The following BAIAP2 variants were observed in gnomAD, a reference collection of about 807,000 sequenced individuals.
BAIAP2 encodes the protein BAR/IMD domain-containing adapter protein 2.
BAIAP2 carries 18 observed loss-of-function variants against 63.0 expected under a neutral mutation model. The ratio of observed to expected loss-of-function variants is 0.29; its 90% CI spans 0.20 to 0.42. BAIAP2 has a LOEUF of 0.42. Ranked by LOEUF, BAIAP2 falls within the 10% of genes least tolerant of loss-of-function variation. The pLI is 1.00. For missense variants in BAIAP2, 610 were observed against 734.3 expected (o/e 0.83, Z 1.96); for synonymous variants, 386 against 307.6 (o/e 1.25, Z -2.67).
Position 81,039,707 on chromosome 17 carries a change from G to A in BAIAP2, c.54+4399G>A, listed in dbSNP as rs147077560. Among the ~76,000 whole-genome samples, 13 of 152,226 alleles carry A rather than the reference G, an allele frequency of 8.5e-5. No individual in the cohort carries two copies. In the East Asian group the frequency reaches 2.5e-3, roughly 29 times the overall value. On this transcript the variant is annotated intron_variant, in intron 1 of 13. Transcript: ENST00000428708. ...GGGGGCTGCTGGGAGCTGTGTTCCT[G>A]TTGCTGCCTTGTCTTCGACTGAAGC...
chr17:81,054,748 T>A (rs1260160658), intron 2 of BAIAP2, among the ~76,000 whole-genome samples: 1 of 152,118 alleles, frequency 6.6e-6, no homozygotes, highest in South Asian at 2.1e-4. Context: ...TCCCACTGTC[T>A]CCCTGAGACG....
chr17:81,068,321 A>T (rs2051890315), intron 3 of BAIAP2, among the ~76,000 whole-genome samples: 1 of 152,228 alleles, frequency 6.6e-6, no homozygotes, highest in Non-Finnish European at 1.5e-5. Flanking sequence ...TTAGGAGCAG[A>T]CCACGCCCAT....
intron 1 of BAIAP2, among the ~76,000 whole-genome samples, chr17:81,049,154 C>T (rs1041474731): frequency 1.8e-4 from 28 of 152,356 alleles, no homozygotes; most frequent in Admixed American, 1.5e-3. Flanking sequence ...CGCCGGGCTG[C>T]GTTTGTACTG....
intron 3 of BAIAP2, among the ~76,000 whole-genome samples, chr17:81,082,068 C>T (rs1430242506): frequency 1.3e-5 from 2 of 152,006 alleles, no homozygotes; most frequent in Non-Finnish European, 2.9e-5. Flanking sequence ...CCCTCCTGGC[C>T]CCGGGGCCAG....
intron 3 of BAIAP2, among the ~76,000 whole-genome samples, chr17:81,075,146 T>G (rs1412952716): frequency 7.9e-5 from 12 of 152,240 alleles, no homozygotes; most frequent in African/African-American, 2.9e-4. Flanking sequence ...CCAGCCACAT[T>G]TGCATTCCGG....
chr17:81,079,114 C>A (rs772566085), intron 3 of BAIAP2, among the ~76,000 whole-genome samples: 2 of 152,184 alleles, frequency 1.3e-5, no homozygotes, highest in Non-Finnish European at 2.9e-5. Flanking sequence ...AGAACCAACC[C>A]GAGGACAGAA....
rs1397423646 is a variant in BAIAP2 at position 81,104,409 on chromosome 17, C to G, written c.1067-105C>G. On this transcript the variant is annotated intron_variant, in intron 9 of 13. Coordinates refer to ENST00000428708, the MANE Select transcript of BAIAP2 (RefSeq NM_001144888.2). ...AGAGCTTAGCCAGCCCACTTACCCA[C>G]CTGGGGCACAGGCGGCTGTGCTCTC... The G allele has an allele frequency of 3.1e-6, 4 of 1,291,702 alleles. No homozygotes were observed. In the African/African-American group the frequency reaches 5.9e-5, roughly 19 times the overall value. The allele number at this position is 1,291,702 out of a possible 1,614,324, so 80.0% of individuals were successfully genotyped here. A position where few individuals can be genotyped will look rare whatever the true frequency, so the allele number is the denominator to read the frequency against.
chr17:81,085,661 C>T lies in BAIAP2; in HGVS notation c.287C>T (p.Ser96Phe). 1.9e-6 allele frequency: 3 copies of T among 1,613,800 alleles called. No individual in the cohort carries two copies. The highest frequency in any genetic ancestry group is 2.5e-6 in the Non-Finnish European group (3 of 1,179,914). The change falls in exon 5 of 14, where the codon TCT becomes TTT. Residue 96 changes from serine to phenylalanine, a missense_variant. Coordinates refer to ENST00000428708, the MANE Select transcript of BAIAP2 (RefSeq NM_001144888.2). ...TTTTCTCTCCATGTCCAGCTGAAGTCTTTTCACAACGAGCTGCTTACGCAG... is the reference window on the plus strand; with the variant it reads ...TTTTCTCTCCATGTCCAGCTGAAGTTTTTTCACAACGAGCTGCTTACGCAG... ...IQNQLEEMLK[S>F]FHNELLTQLE...
Position 81,100,088 on chromosome 17 carries a change from G to T in BAIAP2, c.642+8G>T. The T allele has an allele frequency of 6.2e-7, 1 of 1,607,052 alleles. No individual in the cohort carries two copies. Among genetic ancestry groups the T allele is most frequent in the Non-Finnish European group, 8.5e-7 (1 of 1,177,482 alleles). ...GCGGCCTACCACTCCAAGGTGAGGC[G>T]GCTGGGGGCTGCGCTGTGCCGGCGC... On this transcript the variant is annotated splice_region_variant and intron_variant, in intron 7 of 13. Coordinates refer to ENST00000428708, the MANE Select transcript of BAIAP2 (RefSeq NM_001144888.2).
rs879356625 is a variant in BAIAP2, at chr17:81,085,338, C to A, written c.280-316C>A. 11 of 550,916 alleles carry A rather than the reference C, an allele frequency of 2.0e-5. No homozygotes were observed. The Admixed American group carries it at 3.2e-4, about 16-fold the overall frequency. The allele number at this position is 550,916 out of a possible 1,614,324, so 34.1% of individuals were successfully genotyped here. The stretch of plus-strand genomic sequence containing the variant: ...TGTCAGTTCAGGCCCATGGGCCCTG[C>A]GACCTCTCAGCCTGTGTCGCAGTGA... On this transcript the variant is annotated intron_variant, in intron 4 of 13. Coordinates refer to ENST00000428708, the MANE Select transcript of BAIAP2 (RefSeq NM_001144888.2).
At chr17:81,110,778 G>A in intron 13 of BAIAP2, 1 of 1,297,882 alleles carries the variant, frequency 7.7e-7, no homozygotes, top group Non-Finnish European at 1.1e-6. Context: ...GAGAGCCAGA[G>A]CCCCAGCTGT....
intron 3 of BAIAP2, among the ~76,000 whole-genome samples, chr17:81,073,026 T>C (rs895023238): frequency 6.6e-6 from 1 of 151,952 alleles, no homozygotes; most frequent in Non-Finnish European, 1.5e-5. Flanking sequence ...GCCTGTCACC[T>C]CCAGGATGAC....
intron 13 of BAIAP2, chr17:81,110,640 CA>C: frequency 4.0e-6 from 5 of 1,255,128 alleles, no homozygotes; most frequent in Non-Finnish European, 5.1e-6. Context: ...TGGGCTTGCA[CA>C]CGGTGCTGGC....
intron 1 of BAIAP2, among the ~76,000 whole-genome samples, chr17:81,051,411 A>AT (rs1430154147): frequency 1.3e-5 from 2 of 151,842 alleles, no homozygotes; most frequent in South Asian, 2.1e-4. Flanking sequence ...GTATTTATGT[A>AT]TTTTTTTGAG....
At chr17:81,081,718 C>T (rs978295003) in intron 3 of BAIAP2, among the ~76,000 whole-genome samples, 2 of 152,148 alleles carry the variant, frequency 1.3e-5, no homozygotes, top group African/African-American at 4.8e-5. Context: ...TTAGACTTGC[C>T]CCCACCCCAC....
chr17:81,104,453 C>A, intron 9 of BAIAP2, 61 bp from the exon 10 acceptor site: 1 of 1,519,486 alleles, frequency 6.6e-7, no homozygotes, highest in South Asian at 1.2e-5. Context: ...AACCAGACTC[C>A]CTGGGCTTTG....
intron 2 of BAIAP2, 92 bp from the exon 3 acceptor site, chr17:81,057,789 G>T: frequency 6.7e-7 from 1 of 1,500,332 alleles, no homozygotes; most frequent in Non-Finnish European, 8.9e-7. Context: ...AGACAGGGTT[G>T]GGCCTGTGCG....
At chr17:81,062,688 C>CT (rs36092037) in intron 3 of BAIAP2, among the ~76,000 whole-genome samples, 23 of 133,468 alleles carry the variant, frequency 1.7e-4, no homozygotes, top group African/African-American at 4.5e-4. Context: ...TTTTTCTTTC[C>CT]TTTTTTTTTT....
rs1259075805 is a variant in BAIAP2, at chr17:81,082,724, G to T, written c.218-2108G>T. Among the ~76,000 whole-genome samples, 4 of 152,230 alleles carry T rather than the reference G, an allele frequency of 2.6e-5. No homozygotes were observed. In the East Asian group the frequency reaches 5.8e-4, roughly 22 times the overall value. On this transcript the variant is annotated intron_variant, in intron 3 of 13. Transcript: ENST00000428708. ...GGCTTTGGGAACAGGCCTAGCAGTT[G>T]CCAGCATGAGGGCGGGAATGACTTG...
Sources: allele counts gnomAD v4.1 joint callset (sites outside exome capture counted in the v4.1 genomes callset), GRCh38; gene constraint gnomAD v4.1.1; transcripts MANE v1.5; gene names NCBI Gene and HGNC (gene_info 2026-07-23, HGNC 2026-07-21).